Variants in TENM2 observed in about 807,000 individuals in gnomAD.
The protein encoded by TENM2 is teneurin transmembrane protein 2, also known as teneurin-2.
In TENM2, 52 loss-of-function variants were observed where a neutral mutation model predicts 245.2. The ratio of observed to expected loss-of-function variants is 0.21; its 90% CI spans 0.17 to 0.27. TENM2 has a LOEUF of 0.27. Among genes scored for constraint, TENM2 ranks in the 10% least tolerant of loss-of-function variants. The pLI is 1.00. For synonymous variants in TENM2, 1,363 were observed against 1,438.9 expected, an observed-to-expected ratio of 0.95 and a Z score of 1.19; for missense variants, 3,046 against 3,666.8, an observed-to-expected ratio of 0.83 and a Z score of 4.37.
chr5:167,208,915 A>ATAGT, the TENM2 span, among the ~76,000 whole-genome samples: 9 of 152,234 alleles, frequency 5.9e-5, no homozygotes, highest in Admixed American at 5.2e-4. Context: ...GAATGAGAAC[A>ATAGT]TAGTTACTCA....
chr5:167,741,585 TG>T (rs1194520326), intron 2 of TENM2, among the ~76,000 whole-genome samples: 10 of 152,234 alleles, frequency 6.6e-5, no homozygotes, highest in Non-Finnish European at 1.3e-4. Flanking sequence ...GGTCCGGGAA[TG>T]GAGGCCCCTA....
At chr5:166,984,903 C>T in the TENM2 span, among the ~76,000 whole-genome samples, 1 of 152,004 alleles carries the variant, frequency 6.6e-6, no homozygotes, top group East Asian at 1.9e-4. Flanking sequence ...ATTAAAGCTA[C>T]AGGAAAGTAT....
the TENM2 span, among the ~76,000 whole-genome samples, chr5:167,140,566 AATCT>A: frequency 1.3e-5 from 2 of 152,194 alleles, no homozygotes; most frequent in African/African-American, 2.4e-5. Context: ...ATATTAATAA[AATCT>A]CAGATTTTTC....
rs183775091 is a variant in TENM2 at position 167,989,759 on chromosome 5, G to A, written c.948-3185G>A. ...TAAGCTATTGGATGGGGAAAGGCAA[G>A]GGAAAAGGAGGAAGTTCCTTGGGTA... is the stretch of plus-strand genomic sequence containing the variant. On this transcript the variant is annotated intron_variant, in intron 4 of 28. Coordinates refer to ENST00000518659, the Ensembl canonical transcript of TENM2. Among the ~76,000 whole-genome samples, 11 of 152,296 alleles carry A rather than the reference G, an allele frequency of 7.2e-5. No homozygotes were observed. The East Asian group carries it at 1.5e-3, about 21-fold the overall frequency.
rs138695339 is a variant in TENM2 at position 168,025,547 on chromosome 5, CAAG to C, written c.1187-21873_1187-21871del. On this transcript the variant is annotated intron_variant, in intron 5 of 28. Coordinates refer to ENST00000518659, the Ensembl canonical transcript of TENM2. ...AGACTGAAAATTGAAATCCAAGTAG[CAAG>C]AAGAAGTTTAAGTATTAGGTTTATG... Among the ~76,000 whole-genome samples the C allele has an allele frequency of 8.8e-3, 1,335 of 152,160 alleles. 23 individuals carry two copies. The highest frequency in any genetic ancestry group is 0.041 in the Middle Eastern group (12 of 294).
chr5:167,588,021 A>C (rs1291758671), intron 2 of TENM2, among the ~76,000 whole-genome samples: 1 of 152,160 alleles, frequency 6.6e-6, no homozygotes, highest in Non-Finnish European at 1.5e-5. Context: ...AGGCAACCAC[A>C]CTCAGAAAAG....
chr5:167,646,827 G>A (rs1343800551), intron 2 of TENM2, among the ~76,000 whole-genome samples: 1 of 152,206 alleles, frequency 6.6e-6, no homozygotes, highest in Non-Finnish European at 1.5e-5. Context: ...GATGGCTCAT[G>A]AAAAGGACGC....
intron 2 of TENM2, among the ~76,000 whole-genome samples, chr5:167,641,606 A>ATTGT (rs1440793716): frequency 6.6e-6 from 1 of 152,196 alleles, no homozygotes; most frequent in African/African-American, 2.4e-5. Flanking sequence ...AATCTTACAA[A>ATTGT]GACAGTAAAA....
chr5:167,051,434 A>G, the TENM2 span, among the ~76,000 whole-genome samples: 1 of 24,440 alleles, frequency 4.1e-5, no homozygotes, highest in African/African-American at 1.9e-3. Context: ...GAATTGGGAG[A>G]AAAAAAAAAG....
At chr5:167,479,561 T>C in intron 2 of TENM2, among the ~76,000 whole-genome samples, 1 of 152,194 alleles carries the variant, frequency 6.6e-6, no homozygotes, top group East Asian at 1.9e-4. Flanking sequence ...GGATTTAAAA[T>C]ATTATTACCT....
the TENM2 span, among the ~76,000 whole-genome samples, chr5:167,177,440 G>C: frequency 5.9e-5 from 9 of 152,176 alleles, no homozygotes; most frequent in Non-Finnish European, 1.0e-4. Context: ...GCAATTTTCT[G>C]AGAGGCAGAA....
chr5:167,037,666 G>T, the TENM2 span, among the ~76,000 whole-genome samples: 1 of 152,090 alleles, frequency 6.6e-6, no homozygotes, highest in African/African-American at 2.4e-5. Flanking sequence ...AACTGCTTTT[G>T]CCACCCCAAG....
chr5:167,740,878 C>T (rs913584262), intron 2 of TENM2, among the ~76,000 whole-genome samples: 4 of 152,160 alleles, frequency 2.6e-5, no homozygotes, highest in Non-Finnish European at 4.4e-5. Flanking sequence ...TGCTTCCTCC[C>T]GCTACTGGGC....
Position 168,007,741 on chromosome 5 carries a change from T to G in TENM2, c.1186+14559T>G, listed in dbSNP as rs2617960. On this transcript the variant is annotated intron_variant, in intron 5 of 28. Transcript: ENST00000518659. ...TACTTGGCTCAGAAGACCTGATTTG[T>G]AGTCTTAACAGTTCCTCATTTGAAG... 5.9e-3 allele frequency among the ~76,000 whole-genome samples: 897 copies of G among 152,342 alleles called. 10 individuals are homozygous for G. The highest frequency in any genetic ancestry group is 0.02 in the African/African-American group (849 of 41,574).
At chr5:168,208,289 T>C (rs1762527690) in intron 19 of TENM2, among the ~76,000 whole-genome samples, 1 of 152,252 alleles carries the variant, frequency 6.6e-6, no homozygotes, top group African/African-American at 2.4e-5. Context: ...TTTTATTTTT[T>C]AAACATAAAA....
the TENM2 span, among the ~76,000 whole-genome samples, chr5:167,060,476 C>A: frequency 6.6e-6 from 1 of 151,768 alleles, no homozygotes; most frequent in African/African-American, 2.4e-5. Flanking sequence ...CATGGTGAAA[C>A]CCTGTCTCTA....
Position 167,613,426 on chromosome 5 carries a change from A to G in TENM2, c.502+237953A>G, listed in dbSNP as rs183634811. Among the ~76,000 whole-genome samples, 44 of 152,306 alleles carry G rather than the reference A, an allele frequency of 2.9e-4. 1 individual carries two copies. The highest frequency in any genetic ancestry group is 7.8e-4 in the Admixed American group (12 of 15,288). On this transcript the variant is annotated intron_variant, in intron 2 of 28. Transcript: ENST00000518659. ...ATCTTGCTCGTTTACCAGTGAAGAA[A>G]TGAAGACTCCAAAGGTTATTGTGTC...
At chr5:166,982,392 T>G in the TENM2 span, among the ~76,000 whole-genome samples, 1 of 152,208 alleles carries the variant, frequency 6.6e-6, no homozygotes, top group Non-Finnish European at 1.5e-5. Flanking sequence ...TTTGAACTAC[T>G]TGTGTGTTTT....
At chr5:167,933,139 C>T (rs1274839427) in intron 3 of TENM2, among the ~76,000 whole-genome samples, 1 of 152,122 alleles carries the variant, frequency 6.6e-6, no homozygotes, top group Non-Finnish European at 1.5e-5. Flanking sequence ...ACTTTCTGGG[C>T]GATAACCCCA....
Sources: allele counts gnomAD v4.1 joint callset (sites outside exome capture counted in the v4.1 genomes callset), GRCh38; gene constraint gnomAD v4.1.1; transcripts MANE v1.5; gene names NCBI Gene and HGNC (gene_info 2026-07-23, HGNC 2026-07-21).